Variants in KLHL1 observed in about 807,000 individuals in gnomAD.
KLHL1 encodes the protein kelch-like protein 1.
KLHL1 carries 47 observed loss-of-function variants against 77.7 expected under a neutral mutation model. The observed-to-expected ratio is 0.60, with a 90% CI of 0.48 to 0.77. The LOEUF (loss-of-function observed/expected upper bound fraction) is 0.77, where lower values mean the gene tolerates loss of function less well. Among genes scored for constraint, KLHL1 ranks in the 30% least tolerant of loss-of-function variants. The probability of loss-of-function intolerance (pLI) is 0.00; values close to 1 mark genes in which losing one functional copy is unlikely to be tolerated. For missense variants in KLHL1, 925 were observed against 910.8 expected, an observed-to-expected ratio of 1.02 and a Z score of -0.20; for synonymous variants, 360 against 325.2, an observed-to-expected ratio of 1.11 and a Z score of -1.15.
chr13:70,018,960 C>T (rs954747790), intron 1 of KLHL1, among the ~76,000 whole-genome samples: 1 of 152,212 alleles, frequency 6.6e-6, no homozygotes, highest in East Asian at 1.9e-4. Context: ...ATGGAGATAT[C>T]TGCTAATCAA....
rs1593755778 is a variant in KLHL1, at chr13:69,701,549, T to C, written c.*153A>G. ...TGTTTTCTTGTTTCCTACTATTCTG[T>C]TTGATCTACTAACTCTTTCAACATC... On this transcript the variant is annotated 3_prime_UTR_variant, in exon 11 of 11. Coordinates refer to ENST00000377844, the MANE Select transcript of KLHL1 (RefSeq NM_020866.3). 5.0e-6 allele frequency: 3 copies of C among 604,110 alleles called. No individual in the cohort carries two copies. Among genetic ancestry groups the C allele is most frequent in the East Asian group, 3.1e-5 (1 of 32,696 alleles). The allele number at this position is 604,110 out of a possible 1,614,324, so 37.4% of individuals were successfully genotyped here. A position where few individuals can be genotyped will look rare whatever the true frequency, so the allele number is the denominator to read the frequency against.
intron 6 of KLHL1, among the ~76,000 whole-genome samples, chr13:69,809,843 A>G (rs1189145654): frequency 3.9e-5 from 6 of 152,082 alleles, no homozygotes; most frequent in African/African-American, 1.4e-4. Flanking sequence ...GGTTCAAAGT[A>G]AAGAGATAAA....
chr13:69,731,860 G>A (rs1317620178), intron 8 of KLHL1, among the ~76,000 whole-genome samples: 2 of 151,902 alleles, frequency 1.3e-5, no homozygotes, highest in Admixed American at 1.3e-4. Flanking sequence ...ATGTGACAGG[G>A]AAAATCACAA....
intron 7 of KLHL1, among the ~76,000 whole-genome samples, chr13:69,782,402 C>T (rs1180931587): frequency 6.6e-6 from 1 of 152,196 alleles, no homozygotes; most frequent in Admixed American, 6.5e-5. Flanking sequence ...CAGGGAGTTC[C>T]CTTTCCTAGT....
At chr13:69,809,937 C>T (rs909809238) in intron 6 of KLHL1, among the ~76,000 whole-genome samples, 1 of 149,914 alleles carries the variant, frequency 6.7e-6, no homozygotes, top group African/African-American at 2.4e-5. Context: ...CAACAGAAAA[C>T]AGGAAAATGA....
intron 3 of KLHL1, among the ~76,000 whole-genome samples, chr13:69,947,641 A>G (rs1293461801): frequency 6.6e-6 from 1 of 152,136 alleles, no homozygotes; most frequent in African/African-American, 2.4e-5. Context: ...TAAGTATTAT[A>G]ACCATTGTTT....
intron 1 of KLHL1, among the ~76,000 whole-genome samples, chr13:70,065,893 A>AG (rs1207721795): frequency 5.3e-5 from 8 of 152,152 alleles, no homozygotes; most frequent in African/African-American, 1.9e-4. Flanking sequence ...TGAAAAAAAA[A>AG]AACTATTTAA....
chr13:69,852,258 C>T (rs1879719809), intron 5 of KLHL1, among the ~76,000 whole-genome samples: 1 of 151,872 alleles, frequency 6.6e-6, no homozygotes, highest in African/African-American at 2.4e-5. Context: ...TAGGTAATGG[C>T]CTCACGTCTG....
intron 1 of KLHL1, among the ~76,000 whole-genome samples, chr13:70,026,427 A>T (rs892244986): frequency 6.6e-6 from 1 of 152,108 alleles, no homozygotes; most frequent in Non-Finnish European, 1.5e-5. Flanking sequence ...ATACAGTGTG[A>T]TTTTACAAGG....
chr13:70,023,239 C>T (rs1213841528), intron 1 of KLHL1, among the ~76,000 whole-genome samples: 1 of 151,896 alleles, frequency 6.6e-6, no homozygotes, highest in African/African-American at 2.4e-5. Context: ...GTACCGATCA[C>T]TATATTATCA....
intron 4 of KLHL1, among the ~76,000 whole-genome samples, chr13:69,902,838 T>A (rs911271856): frequency 6.6e-6 from 1 of 152,020 alleles, no homozygotes; most frequent in Non-Finnish European, 1.5e-5. Flanking sequence ...CACACCAACA[T>A]AGCACATGTA....
chr13:69,997,702 C>A (rs1885192074), intron 1 of KLHL1, among the ~76,000 whole-genome samples: 2 of 146,612 alleles, frequency 1.4e-5, no homozygotes, highest in Admixed American at 6.9e-5. Flanking sequence ...AATATAAATA[C>A]ATTGATATTA....
At position 69,796,813 on chromosome 13, in the gene KLHL1, T is replaced by C; in HGVS notation, c.1564A>G (p.Thr522Ala). The change falls in exon 7 of 11, where the codon ACT becomes GCT. Residue 522 changes from threonine to alanine, a missense_variant. Thr to Ala is a moderately conservative substitution (Grantham distance 58). Transcript: ENST00000377844. ...GGRDGLKTLN[T>A]VECYNPKTKT... ...GTTTTGGGATTGTAACATTCAACAG[T>C]GTTCAATGTCTTTAAGCCATCTCGA... is the stretch of plus-strand genomic sequence containing the variant. The C allele has an allele frequency of 1.2e-6, 2 of 1,614,172 alleles. No individual in the cohort carries two copies. The highest frequency in any genetic ancestry group is 1.1e-5 in the South Asian group (1 of 91,082).
chr13:69,738,369 C>A (rs970308531), intron 8 of KLHL1, among the ~76,000 whole-genome samples: 3 of 152,042 alleles, frequency 2.0e-5, no homozygotes, highest in African/African-American at 7.2e-5. Context: ...ATGTCTCCAG[C>A]AAGTGCACAG....
At position 69,975,914 on chromosome 13, in the gene KLHL1, T is replaced by C. The variant is rs1441424066; in HGVS notation, c.498-112A>G. 5 of 1,252,116 alleles carry C rather than the reference T, an allele frequency of 4.0e-6. No homozygotes were observed. The African/African-American group carries it at 7.9e-5, about 20-fold the overall frequency. 77.6% of individuals were successfully genotyped at this position (1,252,116 alleles called of 1,614,324 possible). A position where few individuals can be genotyped will look rare whatever the true frequency, so the allele number is the denominator to read the frequency against. Reference sequence around the variant, plus strand: ...TATCATTTTCTTAAGAAAACTAATATATCTGTGTTTATTTTTATATTTTAA... The same window carrying C: ...TATCATTTTCTTAAGAAAACTAATACATCTGTGTTTATTTTTATATTTTAA... On this transcript the variant is annotated intron_variant, in intron 1 of 10. Transcript: ENST00000377844.
At chr13:69,755,215 G>T (rs772822719) in intron 7 of KLHL1, among the ~76,000 whole-genome samples, 1 of 151,682 alleles carries the variant, frequency 6.6e-6, no homozygotes, top group African/African-American at 2.4e-5. Flanking sequence ...AAATATTGTG[G>T]CACCTCCCAT....
At chr13:70,088,989 C>A (rs1254239260) in intron 1 of KLHL1, among the ~76,000 whole-genome samples, 1 of 152,040 alleles carries the variant, frequency 6.6e-6, no homozygotes, top group Admixed American at 6.6e-5. Flanking sequence ...CTTATCAGTA[C>A]CTTCTAGAAA....
chr13:69,939,336 C>T (rs796830173), intron 4 of KLHL1, among the ~76,000 whole-genome samples: 2 of 48,516 alleles, frequency 4.1e-5, no homozygotes, highest in Non-Finnish European at 7.5e-5. Context: ...TATACATATA[C>T]ATACATATAT....
chr13:69,741,087 A>G (rs1404995964), intron 7 of KLHL1, among the ~76,000 whole-genome samples: 1 of 152,176 alleles, frequency 6.6e-6, no homozygotes, highest in East Asian at 1.9e-4. Context: ...GGTTTCCCAA[A>G]AAGGTTAAAA....
Sources: gnomAD v4.1 joint callset for allele counts (sites outside exome capture counted in the v4.1 genomes callset) on GRCh38, gnomAD v4.1.1 for gene constraint, MANE v1.5 for transcripts, NCBI Gene and HGNC (gene_info 2026-07-23, HGNC 2026-07-21) for gene names.